TUT4: variants seen among roughly 807,000 people sequenced by gnomAD.
TUT4 encodes the protein terminal uridylyltransferase 4.
Under a neutral mutation model 192.2 loss-of-function variants are expected in TUT4, and 36 were observed. The ratio of observed to expected loss-of-function variants is 0.19; its 90% confidence interval spans 0.14 to 0.25. The LOEUF (loss-of-function observed/expected upper bound fraction) is 0.25. TUT4 is among the 10% of genes least tolerant of loss of function. The pLI is 1.00. For synonymous variants in TUT4, 618 were observed against 666.0 expected (o/e 0.93, Z 1.11); for missense variants, 1,493 against 1,957.2 (o/e 0.76, Z 4.47).
intron 16 of TUT4, chr1:52,462,088 A>C (rs1662720389): frequency 9.5e-6 from 2 of 210,520 alleles, no homozygotes; most frequent in African/African-American, 4.7e-5. Context: ...ATAAGTGAAT[A>C]AACAACTAGA....
intron 20 of TUT4, among the ~76,000 whole-genome samples, chr1:52,455,607 T>TGAA (rs758287639): frequency 7.4e-5 from 3 of 40,560 alleles, no homozygotes; most frequent in Non-Finnish European, 1.2e-4. Context: ...ACGCTACCTT[T>TGAA]AAAAAAAAAA....
intron 2 of TUT4, among the ~76,000 whole-genome samples, chr1:52,519,441 G>T (rs987000818): frequency 6.6e-6 from 1 of 152,130 alleles, no homozygotes; most frequent in African/African-American, 2.4e-5. Context: ...ATTAGATAGT[G>T]ATGGCAGCGC....
At chr1:52,513,393 CAAAAAAAA>C (rs554170439) in intron 3 of TUT4, among the ~76,000 whole-genome samples, 2 of 42,116 alleles carry the variant, frequency 4.7e-5, no homozygotes, top group African/African-American at 3.5e-4. Flanking sequence ...GACCCTGTCT[CAAAAAAAA>C]AAAAAAAAAA....
Position 52,481,894 on chromosome 1 carries a change from A to G in TUT4, c.1545T>C (p.Gly515=), listed in dbSNP as rs1157237858. 16 of 1,594,260 alleles carry G rather than the reference A, an allele frequency of 1.0e-5. No homozygotes were observed. Among genetic ancestry groups the G allele is most frequent in the Non-Finnish European group, 1.4e-5 (16 of 1,174,826 alleles). Residue 515 remains glycine (G), a synonymous_variant, in exon 10 of 30, where the codon GGT becomes GGC. Coordinates refer to ENST00000257177, the MANE Select transcript of TUT4 (RefSeq NM_001009881.3). ...AAGCAAAACAGTAAGAAGGGATTCC[A>G]CCATCAGTTTGGGAGTCAATATAGC... The part of the protein sequence containing the change: ...KLCYIDSQTD[G]GIPSYCFALM...
At chr1:52,547,796 T>C (rs1037931987) in intron 1 of TUT4, among the ~76,000 whole-genome samples, 9 of 152,208 alleles carry the variant, frequency 5.9e-5, no homozygotes, top group Admixed American at 3.3e-4. Flanking sequence ...TCCTTGTATA[T>C]GTAATGTCCA....
chr1:52,423,737 G>T lies in TUT4; in HGVS notation c.*198C>A, dbSNP rs57880727. Reference sequence around the variant, plus strand: ...TATTTATATACAAATAATACAGTCTGTAAAAACAGTCTTAGAATTTAAATA... The same window carrying T: ...TATTTATATACAAATAATACAGTCTTTAAAAACAGTCTTAGAATTTAAATA... On this transcript the variant is annotated 3_prime_UTR_variant, in exon 30 of 30. Transcript: ENST00000257177. 1.5e-6 allele frequency: 2 copies of T among 1,323,296 alleles called. No homozygotes were observed. Among genetic ancestry groups the T allele is most frequent in the Admixed American group, 2.1e-5 (1 of 47,370 alleles). The allele number at this position is 1,323,296 out of a possible 1,614,324, so 82.0% of individuals were successfully genotyped here.
At chr1:52,480,493 A>C (rs1668230256) in intron 11 of TUT4, among the ~76,000 whole-genome samples, 1 of 152,254 alleles carries the variant, frequency 6.6e-6, no homozygotes, top group African/African-American at 2.4e-5. Context: ...GGGGAAACAG[A>C]GAAATCAAAA....
At chr1:52,514,984 G>A (rs554145790) in intron 3 of TUT4, 1 of 152,202 alleles carries the variant, frequency 6.6e-6, no homozygotes, top group South Asian at 2.1e-4. Context: ...CACCATGTTG[G>A]TCAGGCTGGT....
intron 1 of TUT4, among the ~76,000 whole-genome samples, chr1:52,536,251 A>C (rs1298119378): frequency 6.6e-6 from 1 of 152,234 alleles, no homozygotes; most frequent in Non-Finnish European, 1.5e-5. Flanking sequence ...GGAGGAGAGA[A>C]AGATGAGTAG....
chr1:52,471,008 CTTTT>C (rs771331613), intron 14 of TUT4, among the ~76,000 whole-genome samples: 14 of 82,150 alleles, frequency 1.7e-4, no homozygotes, highest in African/African-American at 7.3e-4. Flanking sequence ...GCACTCTATG[CTTTT>C]TTTTTTTTTT....
At chr1:52,493,715 A>G in intron 6 of TUT4, 53 bp from the exon 7 acceptor site, 2 of 1,122,384 alleles carry the variant, frequency 1.8e-6, no homozygotes, top group Non-Finnish European at 2.6e-6. Context: ...TTCGGACAGC[A>G]GAACATTAAG....
chr1:52,478,094 A>G (rs1667555111), intron 11 of TUT4, among the ~76,000 whole-genome samples: 1 of 152,136 alleles, frequency 6.6e-6, no homozygotes, highest in Admixed American at 6.5e-5. Context: ...TGAACCAGTG[A>G]TTCTCAACCT....
At chr1:52,433,164 G>T (rs1401076253) in intron 27 of TUT4, 2 of 152,142 alleles carry the variant, frequency 1.3e-5, no homozygotes, top group African/African-American at 4.8e-5. Flanking sequence ...CGCCTCCTGG[G>T]TTCGAGTGAT....
chr1:52,534,978 T>C (rs1050675251), intron 1 of TUT4: 7 of 152,246 alleles, frequency 4.6e-5, no homozygotes, highest in Non-Finnish European at 1.0e-4. Flanking sequence ...CTTTACCTTT[T>C]TTACTGACCT....
At chr1:52,431,588 T>A in intron 27 of TUT4, 128 bp from the exon 28 acceptor site, 2 of 757,776 alleles carry the variant, frequency 2.6e-6, no homozygotes, top group Non-Finnish European at 3.7e-6. Flanking sequence ...AACAAATAAT[T>A]AGTTTTTCCC....
rs760217554 is a variant in TUT4 at position 52,490,778 on chromosome 1, C to T, written c.1342G>A (p.Asp448Asn). The T allele has an allele frequency of 5.6e-6, 9 of 1,611,596 alleles. No individual in the cohort carries two copies. Among genetic ancestry groups the T allele is most frequent in the African/African-American group, 2.7e-5 (2 of 74,678 alleles). ...KNVLYVDVES[D>N]FHAKVPVVVC... is the part of the protein sequence containing the mutation. ...ACAACAGGAACTTTAGCGTGAAAAT[C>T]AGATTCCACATCTACATATAATACT... The change falls in exon 8 of 30, where the codon GAT becomes AAT. Residue 448 changes from aspartate to asparagine, a missense_variant. Physicochemically the swap from Asp to Asn is conservative, Grantham distance 23. Transcript: ENST00000257177.
At chr1:52,466,700 C>T (rs763685121) in intron 15 of TUT4, among the ~76,000 whole-genome samples, 6 of 142,732 alleles carry the variant, frequency 4.2e-5, no homozygotes, top group African/African-American at 1.1e-4. Context: ...GACAGAGTTT[C>T]GCTCTTGTCG....
intron 14 of TUT4, 57 bp downstream of exon 14, chr1:52,471,895 A>T: frequency 6.6e-7 from 1 of 1,503,776 alleles, no homozygotes; most frequent in African/African-American, 1.4e-5. Flanking sequence ...CAGAAAATTA[A>T]TATTTAATAT....
intron 4 of TUT4, among the ~76,000 whole-genome samples, chr1:52,500,424 T>C (rs1475933945): frequency 2.0e-5 from 3 of 152,022 alleles, no homozygotes; most frequent in Non-Finnish European, 4.4e-5. Context: ...GCCAAGAAAT[T>C]TGAGATTAGC....
Sources: gnomAD v4.1 joint callset for allele counts (sites outside exome capture counted in the v4.1 genomes callset) on GRCh38, gnomAD v4.1.1 for gene constraint, MANE v1.5 for transcripts, NCBI Gene and HGNC (gene_info 2026-07-23, HGNC 2026-07-21) for gene names.